The following AKAP13 variants were observed in gnomAD, a reference collection of about 807,000 sequenced individuals.
AKAP13 encodes A-kinase anchor protein 13.
AKAP13 carries 80 observed loss-of-function variants against 264.5 expected under a neutral mutation model. The observed-to-expected ratio is 0.30, with a 90% CI of 0.25 to 0.36. The LOEUF is 0.36. Among genes scored for constraint, AKAP13 ranks in the 10% least tolerant of loss-of-function variants. AKAP13 has a pLI of 1.00. For synonymous variants in AKAP13, 1,380 were observed against 1,250.2 expected (o/e 1.10, Z -2.19); for missense variants, 3,712 against 3,435.2 (o/e 1.08, Z -2.01).
At chr15:85,627,016 C>A (rs1441878834) in intron 8 of AKAP13, among the ~76,000 whole-genome samples, 10 of 152,038 alleles carry the variant, frequency 6.6e-5, no homozygotes, top group Non-Finnish European at 1.5e-5. Context: ...TACTTTTGTC[C>A]TGTTTGTGTT....
Position 85,521,475 on chromosome 15 carries a change from A to C in AKAP13, c.81A>C (p.Glu27Asp). The C allele has an allele frequency of 6.2e-7, 1 of 1,614,152 alleles. No individual in the cohort carries two copies. Among genetic ancestry groups the C allele is most frequent in the Non-Finnish European group, 8.5e-7 (1 of 1,180,008 alleles). Reference sequence around the variant, plus strand: ...TGCTTGCTGAAGAGGACAAAGCTGAAGATGATGTAGTGTTTTACTTGGTAT... The same window carrying C: ...TGCTTGCTGAAGAGGACAAAGCTGACGATGATGTAGTGTTTTACTTGGTAT... ...TVLLAEEDKA[E>D]DDVVFYLVFL... is the part of the protein sequence containing the mutation. The change falls in exon 3 of 37, where the codon GAA (glutamate) becomes GAC (aspartate). Residue 27 changes from glutamate (E) to aspartate (D), a missense_variant. By Grantham distance (45) the Glu-to-Asp change is conservative. Coordinates refer to ENST00000394518, the MANE Select transcript of AKAP13 (RefSeq NM_007200.5).
At chr15:85,405,963 T>C (rs2071641864) in intron 1 of AKAP13, among the ~76,000 whole-genome samples, 1 of 152,152 alleles carries the variant, frequency 6.6e-6, no homozygotes, top group South Asian at 2.1e-4. Flanking sequence ...ACCTGCTGCT[T>C]CAGCTTCTTG....
chr15:85,555,410 C>T (rs2078107645), intron 5 of AKAP13: 1 of 1,288,154 alleles, frequency 7.8e-7, no homozygotes, highest in Middle Eastern at 2.1e-4. Context: ...AGGCTGCTTT[C>T]CTCTATTTTT....
At chr15:85,435,254 G>A (rs2073224430) in intron 1 of AKAP13, among the ~76,000 whole-genome samples, 2 of 149,808 alleles carry the variant, frequency 1.3e-5, no homozygotes, top group African/African-American at 4.9e-5. Flanking sequence ...AGCGAGAAGG[G>A]AAGTTTAGAG....
intron 4 of AKAP13, chr15:85,536,596 A>G (rs2077406738): frequency 6.6e-6 from 1 of 152,254 alleles, no homozygotes; most frequent in Non-Finnish European, 1.5e-5. Flanking sequence ...GAGTGAATAC[A>G]GAAGCAAACT....
intron 14 of AKAP13, among the ~76,000 whole-genome samples, chr15:85,681,087 G>A (rs1282781045): frequency 6.6e-6 from 1 of 152,140 alleles, no homozygotes; most frequent in South Asian, 2.1e-4. Context: ...CAAAGTGTTG[G>A]GATTACAGGC....
intron 8 of AKAP13, among the ~76,000 whole-genome samples, chr15:85,611,721 C>T (rs749582897): frequency 6.6e-5 from 10 of 152,194 alleles, no homozygotes; most frequent in Admixed American, 1.3e-4. Flanking sequence ...CCTATTGTAG[C>T]GACAATACAC....
chr15:85,706,251 T>C (rs1448221020), intron 17 of AKAP13, among the ~76,000 whole-genome samples: 1 of 152,154 alleles, frequency 6.6e-6, no homozygotes. Context: ...TGGGCATCTC[T>C]GTGGCAGAGG....
At chr15:85,670,690 A>G (rs2083879237) in intron 14 of AKAP13, 1 of 151,974 alleles carries the variant, frequency 6.6e-6, no homozygotes, top group Admixed American at 6.6e-5. Context: ...GAAACCTCGC[A>G]CAGTAACTGA....
rs200389881 is a variant in AKAP13 at position 85,541,397 on chromosome 15, GTGTC to G, written c.479-2372_479-2369del. 3.1e-3 allele frequency among the ~76,000 whole-genome samples: 476 copies of G among 152,324 alleles called. 3 individuals carry two copies. The highest frequency in any genetic ancestry group is 0.011 in the African/African-American group (448 of 41,570). ...TTGTAGGATCTAGGTTGTTGAGTGA[GTGTC>G]TGGCTATTTGCTGTGTGATTCTTTG... On this transcript the variant is annotated intron_variant, in intron 4 of 36. Coordinates refer to ENST00000394518, the MANE Select transcript of AKAP13 (RefSeq NM_007200.5).
At chr15:85,565,540 G>A (rs1486633792) in intron 5 of AKAP13, among the ~76,000 whole-genome samples, 3 of 152,276 alleles carry the variant, frequency 2.0e-5, no homozygotes, top group Admixed American at 2.0e-4. Flanking sequence ...CAAGGCTGAC[G>A]GACAACTTAA....
intron 8 of AKAP13, among the ~76,000 whole-genome samples, chr15:85,609,650 T>C (rs985088473): frequency 6.6e-5 from 10 of 152,242 alleles, no homozygotes; most frequent in African/African-American, 1.9e-4. Context: ...GGTGGTTTTC[T>C]TCTTGCATCA....
chr15:85,399,673 T>G (rs1243447808), intron 1 of AKAP13, among the ~76,000 whole-genome samples: 2 of 152,046 alleles, frequency 1.3e-5, no homozygotes, highest in Non-Finnish European at 2.9e-5. Flanking sequence ...CGAAGCATCG[T>G]TACTGTCCTC....
chr15:85,449,237 T>C (rs1232934300), intron 1 of AKAP13, among the ~76,000 whole-genome samples: 3 of 152,194 alleles, frequency 2.0e-5, no homozygotes, highest in Non-Finnish European at 4.4e-5. Context: ...TGGTTGCTGT[T>C]GGTATATAGG....
At chr15:85,404,238 C>A (rs997528505) in intron 1 of AKAP13, among the ~76,000 whole-genome samples, 1 of 152,212 alleles carries the variant, frequency 6.6e-6, no homozygotes, top group Non-Finnish European at 1.5e-5. Flanking sequence ...TCTCTTTTAG[C>A]TGTCACCTGT....
chr15:85,461,197 C>A (rs1043837864), intron 1 of AKAP13, among the ~76,000 whole-genome samples: 3 of 152,102 alleles, frequency 2.0e-5, no homozygotes, highest in African/African-American at 7.2e-5. Context: ...CTCACTGCAA[C>A]CTCTGCCTGC....
chr15:85,411,222 T>C (rs1251288329), intron 1 of AKAP13, among the ~76,000 whole-genome samples: 1 of 152,232 alleles, frequency 6.6e-6, no homozygotes, highest in African/African-American at 2.4e-5. Context: ...GTCACGGTAT[T>C]CATTACAGTC....
intron 26 of AKAP13, 63 bp downstream of exon 26, chr15:85,723,383 T>C (rs2087410633): frequency 6.3e-7 from 1 of 1,575,886 alleles, no homozygotes; most frequent in African/African-American, 1.4e-5. Flanking sequence ...ATCCAAGTGC[T>C]TTTGTTGGAA....
intron 3 of AKAP13, among the ~76,000 whole-genome samples, chr15:85,530,658 C>G (rs942653997): frequency 6.6e-6 from 1 of 152,134 alleles, no homozygotes; most frequent in Admixed American, 6.5e-5. Flanking sequence ...CAGAAGTTTA[C>G]AGATTAGCTT....
Sources: allele counts gnomAD v4.1 joint callset (sites outside exome capture counted in the v4.1 genomes callset), GRCh38; gene constraint gnomAD v4.1.1; transcripts MANE v1.5; gene names NCBI Gene and HGNC (gene_info 2026-07-23, HGNC 2026-07-21).